AUTS2: variants seen among roughly 807,000 people sequenced by gnomAD.
AUTS2 encodes the protein activator of transcription and developmental regulator AUTS2.
In AUTS2, 17 loss-of-function variants were observed where a neutral mutation model predicts 112.4. The ratio of observed to expected loss-of-function variants is 0.15; its 90% CI spans 0.10 to 0.23. AUTS2 has a LOEUF of 0.23. AUTS2 is among the 10% of genes least tolerant of loss of function. The pLI is 1.00. For synonymous variants in AUTS2, 751 were observed against 702.7 expected (o/e 1.07, Z -1.09); for missense variants, 1,510 against 1,701.6 (o/e 0.89, Z 1.98).
At chr7:70,545,796 C>CTTA (rs952009698) in intron 5 of AUTS2, among the ~76,000 whole-genome samples, 6 of 151,990 alleles carry the variant, frequency 3.9e-5, no homozygotes, top group Admixed American at 6.6e-5. Flanking sequence ...ATTTTTGCAT[C>CTTA]TTGACATAGG....
intron 5 of AUTS2, among the ~76,000 whole-genome samples, chr7:70,447,529 T>C (rs2131012851): frequency 6.6e-6 from 1 of 152,248 alleles, no homozygotes; most frequent in East Asian, 1.9e-4. Context: ...TTTACAGAGG[T>C]GGGAACTGAA....
intron 5 of AUTS2, among the ~76,000 whole-genome samples, chr7:70,588,601 C>CA (rs1219345963): frequency 6.6e-6 from 1 of 152,132 alleles, no homozygotes; most frequent in Non-Finnish European, 1.5e-5. Flanking sequence ...GCGGAAGAGG[C>CA]AGGGACCCCA....
chr7:70,594,704 CA>C (rs953797714), intron 5 of AUTS2, among the ~76,000 whole-genome samples: 4 of 152,064 alleles, frequency 2.6e-5, no homozygotes, highest in Non-Finnish European at 4.4e-5. Context: ...TTGCAAAGGC[CA>C]GAATAGACTC....
chr7:70,418,462 G>A (rs957663842), intron 4 of AUTS2, among the ~76,000 whole-genome samples: 39 of 152,304 alleles, frequency 2.6e-4, no homozygotes, highest in East Asian at 7.7e-4. Context: ...CACTTTCCCA[G>A]CTTCTGCTGT....
chr7:70,544,763 G>A (rs1585281218), intron 5 of AUTS2, among the ~76,000 whole-genome samples: 1 of 152,190 alleles, frequency 6.6e-6, no homozygotes, highest in Non-Finnish European at 1.5e-5. Context: ...TAGAGTCTTA[G>A]CAGGTTTCCC....
intron 4 of AUTS2, among the ~76,000 whole-genome samples, chr7:70,404,753 T>C (rs1794463829): frequency 6.6e-6 from 1 of 152,186 alleles, no homozygotes; most frequent in South Asian, 2.1e-4. Flanking sequence ...TTGTTGTATA[T>C]TGCTACAGCA....
intron 1 of AUTS2, among the ~76,000 whole-genome samples, chr7:69,755,602 C>T (rs1012339043): frequency 2.6e-5 from 4 of 152,132 alleles, no homozygotes; most frequent in African/African-American, 9.7e-5. Context: ...CAAAGAGCAA[C>T]ATTATGATGA....
intron 5 of AUTS2, among the ~76,000 whole-genome samples, chr7:70,662,245 G>A (rs553266371): frequency 6.6e-6 from 1 of 152,344 alleles, no homozygotes; most frequent in Admixed American, 6.5e-5. Flanking sequence ...GCTTGATGCT[G>A]GGGCTGCATG....
intron 4 of AUTS2, among the ~76,000 whole-genome samples, chr7:70,137,353 CT>C (rs1806620334): frequency 6.6e-6 from 1 of 151,198 alleles, no homozygotes; most frequent in African/African-American, 2.4e-5. Context: ...TCATGCCCAG[CT>C]CATATTCTAA....
At chr7:70,589,253 C>A (rs1040844554) in intron 5 of AUTS2, among the ~76,000 whole-genome samples, 3 of 150,404 alleles carry the variant, frequency 2.0e-5, no homozygotes, top group Non-Finnish European at 3.0e-5. Flanking sequence ...AATGAATTCT[C>A]TTTCTCCACT....
chr7:70,277,330 A>G (rs1440125689), intron 4 of AUTS2, among the ~76,000 whole-genome samples: 1 of 152,184 alleles, frequency 6.6e-6, no homozygotes, highest in East Asian at 1.9e-4. Context: ...GCAAGGTGAG[A>G]ATGATAGATA....
intron 4 of AUTS2, among the ~76,000 whole-genome samples, chr7:70,370,142 AT>A (rs980637938): frequency 2.6e-5 from 4 of 152,072 alleles, no homozygotes; most frequent in East Asian, 3.8e-4. Context: ...CCTCTTTATT[AT>A]TTTTTTAAAC....
chr7:69,892,171 T>A (rs1443518598), intron 1 of AUTS2, among the ~76,000 whole-genome samples: 15 of 57,238 alleles, frequency 2.6e-4, no homozygotes, highest in African/African-American at 1.4e-3. Flanking sequence ...GTTTTGAGAA[T>A]TTTTTTTTTT....
intron 6 of AUTS2, among the ~76,000 whole-genome samples, chr7:70,728,381 T>G (rs1330748407): frequency 6.6e-6 from 1 of 152,104 alleles, no homozygotes; most frequent in Non-Finnish European, 1.5e-5. Context: ...GAAAGACCCT[T>G]ACCAGGTTGA....
intron 2 of AUTS2, among the ~76,000 whole-genome samples, chr7:69,927,204 A>ATATATATATC (rs1487409773): frequency 2.0e-5 from 3 of 147,720 alleles, no homozygotes; most frequent in Non-Finnish European, 4.5e-5. Context: ...ATATATATAT[A>ATATATATATC]TACATACTAT....
chr7:69,935,093 G>A (rs1054413218), intron 2 of AUTS2, among the ~76,000 whole-genome samples: 7 of 152,092 alleles, frequency 4.6e-5, no homozygotes, highest in Non-Finnish European at 1.0e-4. Flanking sequence ...CCCCATATAA[G>A]CTCACTTTCT....
At chr7:70,406,398 C>A (rs774199288) in intron 4 of AUTS2, among the ~76,000 whole-genome samples, 1 of 152,156 alleles carries the variant, frequency 6.6e-6, no homozygotes, top group Admixed American at 6.5e-5. Flanking sequence ...CTGTCCCACC[C>A]GCCTGCACAC....
chr7:70,767,029 TAATAAC>T (rs1259434765), intron 9 of AUTS2, among the ~76,000 whole-genome samples: 1 of 152,204 alleles, frequency 6.6e-6, no homozygotes, highest in Non-Finnish European at 1.5e-5. Flanking sequence ...TTTTTTAAGT[TAATAAC>T]GATAATTCAT....
At chr7:70,729,276 C>T (rs1368991004) in intron 6 of AUTS2, 2 of 438,630 alleles carry the variant, frequency 4.6e-6, no homozygotes, top group African/African-American at 4.0e-5. Context: ...ACTCCTCTGC[C>T]TCTCTCCACT....
Sources: allele counts gnomAD v4.1 joint callset (sites outside exome capture counted in the v4.1 genomes callset), GRCh38; gene constraint gnomAD v4.1.1; transcripts MANE v1.5; gene names NCBI Gene and HGNC (gene_info 2026-07-23, HGNC 2026-07-21).